Variants in PGBD1 observed in about 807,000 individuals in gnomAD.
PGBD1 encodes the protein piggyBac transposable element-derived protein 1.
Under a neutral mutation model 34.7 loss-of-function variants are expected in PGBD1, and 25 were observed. The ratio of observed to expected loss-of-function variants is 0.72; its 90% CI spans 0.52 to 1.00. The LOEUF (loss-of-function observed/expected upper bound fraction) is 1.00. PGBD1 is among the 50% of genes least tolerant of loss of function. The pLI is 0.00. For missense variants in PGBD1, 830 were observed against 959.4 expected, an observed-to-expected ratio of 0.87 and a Z score of 1.78; for synonymous variants, 292 against 335.7, an observed-to-expected ratio of 0.87 and a Z score of 1.42.
At position 28,286,943 on chromosome 6, in the gene PGBD1, C is replaced by G. The variant is rs573843529; in HGVS notation, c.554-137C>G. ...AATGAAAGCAGTTGTGATGCTCTTTCTCACACTGTAAAATCTACGTCTTAG... is the reference window on the plus strand; with the variant it reads ...AATGAAAGCAGTTGTGATGCTCTTTGTCACACTGTAAAATCTACGTCTTAG... On this transcript the variant is annotated intron_variant, in intron 3 of 6. Coordinates refer to ENST00000682144, the MANE Select transcript of PGBD1 (RefSeq NM_032507.4). 24 of 687,294 alleles carry G rather than the reference C, an allele frequency of 3.5e-5. No individual in the cohort carries two copies. In the Admixed American group the frequency reaches 5.4e-4, roughly 16 times the overall value. The allele number at this position is 687,294 out of a possible 1,614,324, so 42.6% of individuals were successfully genotyped here. A position where few individuals can be genotyped will look rare whatever the true frequency, so the allele number is the denominator to read the frequency against.
At chr6:28,293,749 A>G (rs1762541984) in intron 4 of PGBD1, among the ~76,000 whole-genome samples, 1 of 152,176 alleles carries the variant, frequency 6.6e-6, no homozygotes, top group Admixed American at 6.5e-5. Context: ...TGTCAGACCT[A>G]ATCAATAAAC....
rs763383294 is a variant in PGBD1 at position 28,287,113 on chromosome 6, A to G, written c.587A>G (p.Glu196Gly). ...PVPHGSAHLQEKNPRDKAVVP... is the reference protein window; with the variant it reads ...PVPHGSAHLQGKNPRDKAVVP... ...CCCCACGGATCAGCTCATCTCCAGG[A>G]AAAAAACCCCAGAGACAAGGCTGTA... The change falls in exon 4 of 7, where the codon GAA (glutamate) becomes GGA (glycine). Residue 196 changes from glutamate (E) to glycine (G), a missense_variant. This residue lies in a region of PGBD1 where 457 missense variants were observed against 515.4 expected (regional missense o/e 0.89). Coordinates refer to ENST00000682144, the MANE Select transcript of PGBD1 (RefSeq NM_032507.4). 22 of 1,613,802 alleles carry G rather than the reference A, an allele frequency of 1.4e-5. No homozygotes were observed. The highest frequency in any genetic ancestry group is 1.8e-5 in the Non-Finnish European group (21 of 1,179,836).
At chr6:28,297,830 T>TG in intron 5 of PGBD1, 65 bp from the exon 6 acceptor site, 1 of 299,500 alleles carries the variant, frequency 3.3e-6, no homozygotes, top group Non-Finnish European at 6.1e-6. Context: ...TTTTTTTTTT[T>TG]TTTTTTTTTT....
chr6:28,295,945 C>T (rs564542418), intron 4 of PGBD1, among the ~76,000 whole-genome samples: 58 of 152,294 alleles, frequency 3.8e-4, no homozygotes, highest in Admixed American at 2.3e-3. Context: ...GAAACCCCCT[C>T]CTTGTCAAAA....
Position 28,288,725 on chromosome 6 carries a change from T to A in PGBD1, c.642+1557T>A, listed in dbSNP as rs1581631310. 2.0e-5 allele frequency among the ~76,000 whole-genome samples: 3 copies of A among 152,058 alleles called. No individual in the cohort carries two copies. In the South Asian group the frequency reaches 6.2e-4, roughly 32 times the overall value. ...AAAAGAATAGGCCAGGCGTGGTGGC[T>A]CATGCCTGTAATCCCACACTTTGGG... is the stretch of plus-strand genomic sequence containing the variant. On this transcript the variant is annotated intron_variant, in intron 4 of 6. Coordinates refer to ENST00000682144, the MANE Select transcript of PGBD1 (RefSeq NM_032507.4).
At chr6:28,283,026 G>C (rs193249408) in intron 1 of PGBD1, among the ~76,000 whole-genome samples, 1 of 152,192 alleles carries the variant, frequency 6.6e-6, no homozygotes, top group African/African-American at 2.4e-5. Context: ...TTGACTAGGC[G>C]GTTCTACTGG....
chr6:28,296,503 C>G (rs1762637463), intron 4 of PGBD1, among the ~76,000 whole-genome samples: 1 of 152,112 alleles, frequency 6.6e-6, no homozygotes, highest in African/African-American at 2.4e-5. Flanking sequence ...TTCAGTGTAG[C>G]TGATTTATAC....
In PGBD1 at chr6:28,301,090, C is replaced by G. The variant is rs941987594; in HGVS notation, c.1236C>G (p.Leu412=). The G allele has an allele frequency of 6.2e-7, 1 of 1,614,042 alleles. No individual in the cohort carries two copies. The highest frequency in any genetic ancestry group is 1.3e-5 in the African/African-American group (1 of 74,918). The change falls in exon 7 of 7, where the codon CTC becomes CTG. Residue 412 remains leucine, a synonymous_variant. Transcript: ENST00000682144. ...CACTGGATTCTGGACTTTTGAATCTCAAGAGCGAAAAGTTGAACCCAGTAG... is the reference window on the plus strand; with the variant it reads ...CACTGGATTCTGGACTTTTGAATCTGAAGAGCGAAAAGTTGAACCCAGTAG... ...WSALDSGLLN[L]KSEKLNPVEL... is the part of the protein sequence containing the mutation.
At chr6:28,284,453 T>TAC (rs1321945141) in intron 2 of PGBD1, among the ~76,000 whole-genome samples, 2 of 151,922 alleles carry the variant, frequency 1.3e-5, no homozygotes, top group Non-Finnish European at 2.9e-5. Context: ...TGTATATGTA[T>TAC]ACACACACAT....
At chr6:28,287,837 T>C (rs574278742) in intron 4 of PGBD1, among the ~76,000 whole-genome samples, 2 of 152,338 alleles carry the variant, frequency 1.3e-5, no homozygotes, top group Admixed American at 1.3e-4. Context: ...TATTAACAAA[T>C]ACTTCCTGAT....
chr6:28,297,442 T>G (rs1762679562), intron 5 of PGBD1, among the ~76,000 whole-genome samples: 1 of 152,334 alleles, frequency 6.6e-6, no homozygotes, highest in African/African-American at 2.4e-5. Context: ...AGTGGCACGA[T>G]GATAGTTCAC....
At chr6:28,296,242 TAAAAGGAGTCTCA>T (rs934414393) in intron 4 of PGBD1, among the ~76,000 whole-genome samples, 5 of 152,230 alleles carry the variant, frequency 3.3e-5, no homozygotes, top group African/African-American at 9.6e-5. Context: ...CCAAATCTGT[TAAAAGGAGTCTCA>T]AAACTCTGTT....
intron 5 of PGBD1, among the ~76,000 whole-genome samples, chr6:28,297,293 A>G (rs1467248747): frequency 6.6e-6 from 1 of 152,136 alleles, no homozygotes; most frequent in Non-Finnish European, 1.5e-5. Flanking sequence ...TGGAAGCCCC[A>G]TGAACACCTC....
chr6:28,292,167 T>C (rs1017587554), intron 4 of PGBD1, among the ~76,000 whole-genome samples: 1 of 152,136 alleles, frequency 6.6e-6, no homozygotes, highest in Non-Finnish European at 1.5e-5. Context: ...TATAATCTTA[T>C]ACCTCGAAAA....
At chr6:28,286,961 C>A in intron 3 of PGBD1, 119 bp from the exon 4 acceptor site, 1 of 741,120 alleles carries the variant, frequency 1.3e-6, no homozygotes, top group Non-Finnish European at 2.4e-6. Flanking sequence ...GTAAAATCTA[C>A]GTCTTAGTTC....
At position 28,296,899 on chromosome 6, in the gene PGBD1, CTG is replaced by C; in HGVS notation, c.729_730del (p.Cys243TrpfsTer16). 6.2e-7 allele frequency: 1 copy of C among 1,614,190 alleles called. No individual in the cohort carries two copies. Among genetic ancestry groups the C allele is most frequent in the Non-Finnish European group, 8.5e-7 (1 of 1,180,020 alleles). On this transcript the variant is annotated frameshift_variant, in exon 5 of 7. Transcript: ENST00000682144. LOFTEE classifies it high-confidence loss of function. ...ATCTGAGTCTGACTCGGAGGAACCT[CTG>C]TGGGAACTCAGCTCAGGAGACAGTT... ...SHLSLTRRNLCGNSAQETVMS... is the reference protein window; with the variant it reads ...SHLSLTRRNLXGNSAQETVMS...
At chr6:28,297,061 C>T in intron 5 of PGBD1, 116 bp downstream of exon 5, 6 of 1,160,218 alleles carry the variant, frequency 5.2e-6, no homozygotes, top group Non-Finnish European at 7.2e-6. Context: ...CCTTTCCCTT[C>T]TTCTGGCCTC....
Position 28,300,378 on chromosome 6 carries a change from A to C in PGBD1, c.870-346A>C, listed in dbSNP as rs886655798. ...TGTACTGGCAGAGGAGGAGTGTAGC[A>C]GATGTCCCTCTGCATAGGTCTTCTC... On this transcript the variant is annotated intron_variant, in intron 6 of 6. Transcript: ENST00000682144. This position sits in a 1 kb window ranked among gnomAD's most constrained non-coding sequence, Gnocchi z 4.0. 1.3e-5 allele frequency among the ~76,000 whole-genome samples: 2 copies of C among 152,198 alleles called. No homozygotes were observed. The highest frequency in any genetic ancestry group is 1.5e-5 in the Non-Finnish European group (1 of 68,046).
At position 28,301,360 on chromosome 6, in the gene PGBD1, C is replaced by G. The variant is rs1240897569; in HGVS notation, c.1506C>G (p.Phe502Leu). 4 of 1,614,118 alleles carry G rather than the reference C, an allele frequency of 2.5e-6. No individual in the cohort carries two copies. The South Asian group carries it at 4.4e-5, about 18-fold the overall frequency. Residue 502 changes from phenylalanine to leucine, a missense_variant, in exon 7 of 7, where the codon TTC (phenylalanine) becomes TTG (leucine). Physicochemically the swap from Phe to Leu is conservative, Grantham distance 22 (BLOSUM62 0). This residue lies in a region of PGBD1 where 372 missense variants were observed against 427.9 expected (regional missense o/e 0.87). Coordinates refer to ENST00000682144, the MANE Select transcript of PGBD1 (RefSeq NM_032507.4). Reference protein sequence around the residue: ...AIRRDRFELIFSNLHFADNGH... With the variant: ...AIRRDRFELILSNLHFADNGH... ...GAAGGGACAGATTTGAATTGATTTT[C>G]TCAAACCTGCACTTTGCAGATAATG...
Sources: gnomAD v4.1 joint callset for allele counts (sites outside exome capture counted in the v4.1 genomes callset) on GRCh38, gnomAD v4.1.1 for gene constraint, gnomAD v4.1.1 regional missense constraint, Gnocchi (gnomAD v3.1) non-coding constraint, MANE v1.5 for transcripts, NCBI Gene and HGNC (gene_info 2026-07-23, HGNC 2026-07-21) for gene names.